ABCA12: variants seen among roughly 807,000 people sequenced by gnomAD.
The protein encoded by ABCA12 is glucosylceramide transporter ABCA12.
ABCA12 carries 156 observed loss-of-function variants against 293.5 expected under a neutral mutation model. That is an observed-to-expected ratio of 0.53 (90% confidence interval 0.47 to 0.61). The LOEUF (loss-of-function observed/expected upper bound fraction) is 0.61, where lower values mean the gene tolerates loss of function less well. Ranked by LOEUF, ABCA12 falls within the 20% of genes least tolerant of loss-of-function variation. ABCA12 has a pLI of 0.00. For missense variants in ABCA12, 2,797 were observed against 3,090.2 expected, an observed-to-expected ratio of 0.91 and a Z score of 2.25; for synonymous variants, 1,063 against 1,108.0, an observed-to-expected ratio of 0.96 and a Z score of 0.81.
chr2:215,004,135 G>A, intron 20 of ABCA12, 74 bp downstream of exon 20: 2 of 1,303,436 alleles, frequency 1.5e-6, no homozygotes, highest in Middle Eastern at 3.7e-4. Flanking sequence ...GGGGGAAAAT[G>A]TAATCATATG....
rs533915941 is a variant in ABCA12 at position 215,028,811 on chromosome 2, G to A, written c.1062-1873C>T. Among the ~76,000 whole-genome samples the A allele has an allele frequency of 4.6e-5, 7 of 152,258 alleles. No homozygotes were observed. In the South Asian group the frequency reaches 1.5e-3, roughly 32 times the overall value. ...ACTGTAGTCTACCTATGACATCAGT[G>A]AGTCAAGTCAAATCAAATCAAGCCA... is the stretch of plus-strand genomic sequence containing the variant. On this transcript the variant is annotated intron_variant, in intron 9 of 52. Transcript: ENST00000272895.
At chr2:215,121,361 A>G (rs1463174011) in intron 1 of ABCA12, among the ~76,000 whole-genome samples, 1 of 152,226 alleles carries the variant, frequency 6.6e-6, no homozygotes, top group African/African-American at 2.4e-5. Context: ...AGAACTTTTT[A>G]TTGCAAACTT....
At chr2:214,997,925 G>A in intron 22 of ABCA12, 116 bp from the exon 23 acceptor site, 1 of 708,774 alleles carries the variant, frequency 1.4e-6, no homozygotes, top group South Asian at 1.7e-5. Flanking sequence ...ATCGTGTTTT[G>A]AAATTGAAAA....
chr2:215,011,866 T>TTG, intron 16 of ABCA12, 105 bp downstream of exon 16: 1 of 823,246 alleles, frequency 1.2e-6, no homozygotes, highest in Non-Finnish European at 1.7e-6. Flanking sequence ...GTAGGTGTTG[T>TTG]TTTTTTTTTT....
At chr2:215,011,687 G>A in intron 16 of ABCA12, 38 bp from the exon 17 acceptor site, 2 of 1,589,696 alleles carry the variant, frequency 1.3e-6, no homozygotes. Context: ...GACACTATAT[G>A]AGCTTTAGAA....
intron 11 of ABCA12, chr2:215,025,395 A>G (rs1700715965): frequency 2.6e-6 from 1 of 384,514 alleles, no homozygotes; most frequent in East Asian, 5.9e-5. Flanking sequence ...CCTGGTCTTA[A>G]GTGATTCTTC....
In ABCA12 at chr2:215,037,061, G is replaced by T; in HGVS notation, c.877C>A (p.Leu293Met). 1 of 1,613,454 alleles carries T rather than the reference G, an allele frequency of 6.2e-7. No homozygotes were observed. The highest frequency in any genetic ancestry group is 8.5e-7 in the Non-Finnish European group (1 of 1,179,482). ...FDVLRKANSV[L>M]LVVQKVYPRF... Reference sequence around the variant, plus strand: ...GGATAAACCTTCTGCACAACCAGCAGCACACTAAGGAGTCAAAAAGCAATT... The same window carrying T: ...GGATAAACCTTCTGCACAACCAGCATCACACTAAGGAGTCAAAAAGCAATT... The change falls in exon 8 of 53, where the codon CTG becomes ATG. Residue 293 changes from leucine (L) to methionine (M), a missense_variant. Leu to Met is a conservative substitution (Grantham distance 15). Coordinates refer to ENST00000272895, the MANE Select transcript of ABCA12 (RefSeq NM_173076.3).
chr2:214,950,470 AT>A lies in ABCA12; in HGVS notation c.6852+408del, dbSNP rs1388729289. On this transcript the variant is annotated intron_variant, in intron 45 of 52. Coordinates refer to ENST00000272895, the MANE Select transcript of ABCA12 (RefSeq NM_173076.3). ...TTCCCATGGAAATATTCAGATTAAC[AT>A]TTATATTTCTAGAAAAAAATTGTGG... 1.3e-4 allele frequency among the ~76,000 whole-genome samples: 19 copies of A among 147,978 alleles called. 1 individual carries two copies. Among genetic ancestry groups the A allele is most frequent in the African/African-American group, 3.8e-4 (15 of 39,552 alleles).
intron 19 of ABCA12, among the ~76,000 whole-genome samples, chr2:215,007,078 T>C (rs1183344785): frequency 6.6e-6 from 1 of 152,066 alleles, no homozygotes; most frequent in African/African-American, 2.4e-5. Context: ...TTTCTCCGCG[T>C]TGGTCAGGCT....
rs138336317 is a variant in ABCA12 at position 215,043,572 on chromosome 2, T to TTTGTTG, written c.872+2259_872+2264dup. 4.1e-3 allele frequency among the ~76,000 whole-genome samples: 622 copies of TTTGTTG among 151,668 alleles called. 5 individuals carry two copies. Among genetic ancestry groups the TTTGTTG allele is most frequent in the African/African-American group, 0.014 (582 of 41,144 alleles). ...TTAGTAAATATTATTTTGTGGAATT[T>TTTGTTG]TTGTTGTTGTTGTTGTTGTTGTTGA... On this transcript the variant is annotated intron_variant, in intron 7 of 52. Transcript: ENST00000272895.
intron 48 of ABCA12, 43 bp downstream of exon 48, chr2:214,947,379 G>C (rs753720767): frequency 6.2e-7 from 1 of 1,610,848 alleles, no homozygotes; most frequent in Non-Finnish European, 8.5e-7. Context: ...CAGATATGCT[G>C]TTCTAATTAT....
At chr2:215,122,755 A>G (rs1338085544) in intron 1 of ABCA12, among the ~76,000 whole-genome samples, 1 of 152,202 alleles carries the variant, frequency 6.6e-6, no homozygotes, top group African/African-American at 2.4e-5. Context: ...TTGAAATTTG[A>G]AGTCACTCCT....
chr2:215,127,979 TGTA>T (rs1702963724), intron 1 of ABCA12, among the ~76,000 whole-genome samples: 1 of 152,222 alleles, frequency 6.6e-6, no homozygotes, highest in African/African-American at 2.4e-5. Context: ...TGGCAGTTCT[TGTA>T]GTGGTGCTTT....
intron 2 of ABCA12, among the ~76,000 whole-genome samples, chr2:215,079,958 T>C (rs1391656554): frequency 1.3e-5 from 2 of 152,200 alleles, no homozygotes; most frequent in Non-Finnish European, 2.9e-5. Flanking sequence ...ATTTATCGTA[T>C]TCCTAATATG....
intron 2 of ABCA12, among the ~76,000 whole-genome samples, chr2:215,084,689 A>C (rs564513970): frequency 2.0e-5 from 3 of 152,308 alleles, no homozygotes; most frequent in Admixed American, 2.0e-4. Context: ...GGAACCACGT[A>C]ATGGTTACAG....
intron 8 of ABCA12, chr2:215,032,123 C>A: frequency 7.2e-7 from 1 of 1,392,494 alleles, no homozygotes; most frequent in Non-Finnish European, 9.3e-7. Flanking sequence ...GATGGTCAAG[C>A]ATATGCATTT....
chr2:214,960,484 A>C (rs894823190), intron 39 of ABCA12: 2 of 152,130 alleles, frequency 1.3e-5, no homozygotes, highest in Admixed American at 6.6e-5. Context: ...TTTTATACAT[A>C]TTTTTAGCTG....
chr2:215,072,862 C>G (rs1701763356), intron 2 of ABCA12, among the ~76,000 whole-genome samples: 1 of 152,094 alleles, frequency 6.6e-6, no homozygotes, highest in African/African-American at 2.4e-5. Flanking sequence ...TTTGGGAGAC[C>G]AAGGTGGGCG....
Position 214,973,993 on chromosome 2 carries a change from G to A in ABCA12, c.5518C>T (p.Pro1840Ser), listed in dbSNP as rs1324019128. ...SLEKWNTSGE[P>S]ITNFGVCSCS... is the part of the protein sequence containing the mutation. ...GAGCAAACACCAAAATTAGTGATGGGTTCTCCACTGGTGTTCCATTTTTCC... is the reference window on the plus strand; with the variant it reads ...GAGCAAACACCAAAATTAGTGATGGATTCTCCACTGGTGTTCCATTTTTCC... Residue 1840 changes from proline to serine, a missense_variant, in exon 36 of 53, where the codon CCC becomes TCC. Physicochemically the swap from Pro to Ser is moderately conservative, Grantham distance 74. Transcript: ENST00000272895. 6.2e-7 allele frequency: 1 copy of A among 1,613,966 alleles called. No individual in the cohort carries two copies. The highest frequency in any genetic ancestry group is 1.7e-5 in the Admixed American group (1 of 60,002).
Sources: gnomAD v4.1 joint callset for allele counts (sites outside exome capture counted in the v4.1 genomes callset) on GRCh38, gnomAD v4.1.1 for gene constraint, MANE v1.5 for transcripts, NCBI Gene and HGNC (gene_info 2026-07-23, HGNC 2026-07-21) for gene names.